The following PDZD2 variants were observed in gnomAD, a reference collection of about 807,000 sequenced individuals.
PDZD2 encodes the protein PDZ domain-containing protein 2.
PDZD2 carries 90 observed loss-of-function variants against 220.7 expected under a neutral mutation model. The ratio of observed to expected loss-of-function variants is 0.41; its 90% confidence interval spans 0.34 to 0.49. The LOEUF is 0.49. PDZD2 is among the 20% of genes least tolerant of loss of function. PDZD2 has a pLI of 0.28. For synonymous variants in PDZD2, 1,375 were observed against 1,450.5 expected (o/e 0.95, Z 1.18); for missense variants, 3,174 against 3,608.5 (o/e 0.88, Z 3.08).
chr5:31,850,211 T>A, intron 2 of PDZD2, among the ~76,000 whole-genome samples: 4 of 97,924 alleles, frequency 4.1e-5, no homozygotes, highest in African/African-American at 1.7e-4. Flanking sequence ...TAAGTATATA[T>A]GTGTATATAT....
rs32800 is a variant in PDZD2, at chr5:32,109,016, C to A, written c.*881C>A. 0.75 allele frequency: 114,002 copies of A among 152,590 alleles called. 43,218 individuals are homozygous for A. Among genetic ancestry groups the A allele is most frequent in the African/African-American group, 0.9 (37,289 of 41,552 alleles). 9.5% of individuals were successfully genotyped at this position (152,590 alleles called of 1,614,324 possible). ...GTGCTTGAATTCAAGACTGGTCAGTCCAAGAGCAGACAAAAATATCACAAG... is the reference window on the plus strand; with the variant it reads ...GTGCTTGAATTCAAGACTGGTCAGTACAAGAGCAGACAAAAATATCACAAG... On this transcript the variant is annotated 3_prime_UTR_variant, in exon 25 of 25. Coordinates refer to ENST00000438447, the MANE Select transcript of PDZD2 (RefSeq NM_178140.4).
chr5:31,971,719 G>T (rs547935508), intron 2 of PDZD2, among the ~76,000 whole-genome samples: 2 of 152,218 alleles, frequency 1.3e-5, no homozygotes, highest in African/African-American at 4.8e-5. Flanking sequence ...AAACAAAGGG[G>T]TCATATTAAA....
Position 32,097,346 on chromosome 5 carries a change from C to G in PDZD2, c.7913C>G (p.Ala2638Gly), listed in dbSNP as rs770332168. ...GGCTCAGGTCTGGGATTCAGTGTGGCAGGAGGGACAGATGTGGAGCCAAAA... is the reference window on the plus strand; with the variant it reads ...GGCTCAGGTCTGGGATTCAGTGTGGGAGGAGGGACAGATGTGGAGCCAAAA... ...KEGSGLGFSV[A>G]GGTDVEPKSI... Residue 2638 changes from alanine (A) to glycine (G), a missense_variant, in exon 22 of 25, where the codon GCA becomes GGA. Around this residue, in one of 4 missense-constraint regions of PDZD2, gnomAD observed 631 missense variants for 789.9 expected, o/e 0.80. Transcript: ENST00000438447. The G allele has an allele frequency of 2.5e-6, 4 of 1,612,226 alleles. No homozygotes were observed. Among genetic ancestry groups the G allele is most frequent in the Admixed American group, 1.7e-5 (1 of 60,002 alleles).
chr5:31,871,961 G>C (rs1442568943), intron 2 of PDZD2, among the ~76,000 whole-genome samples: 2 of 152,130 alleles, frequency 1.3e-5, no homozygotes, highest in African/African-American at 2.4e-5. Flanking sequence ...AAAGTGTTGG[G>C]ATTACAGGTG....
At chr5:31,827,588 G>C (rs577233996) in intron 2 of PDZD2, among the ~76,000 whole-genome samples, 8 of 151,890 alleles carry the variant, frequency 5.3e-5, no homozygotes, top group Non-Finnish European at 1.2e-4. Flanking sequence ...AGCTACTCAG[G>C]AGGCTGAGGC....
At chr5:31,715,443 A>G (rs1482297116) in intron 1 of PDZD2, among the ~76,000 whole-genome samples, 1 of 152,216 alleles carries the variant, frequency 6.6e-6, no homozygotes, top group Non-Finnish European at 1.5e-5. Flanking sequence ...CCCGGAACCA[A>G]ATAAATCAGG....
chr5:31,873,767 G>A (rs930438585), intron 2 of PDZD2, among the ~76,000 whole-genome samples: 3 of 149,840 alleles, frequency 2.0e-5, no homozygotes, highest in Admixed American at 6.7e-5. Context: ...TTCCGCTCTT[G>A]TTGCCCAGGC....
intron 2 of PDZD2, among the ~76,000 whole-genome samples, chr5:31,864,839 CTTTTTTTTT>C (rs70955752): frequency 7.0e-5 from 5 of 70,948 alleles, no homozygotes; most frequent in South Asian, 5.5e-4. Context: ...TGAGATTTGT[CTTTTTTTTT>C]TTTTTTTTTT....
chr5:31,853,129 A>G (rs1758156847), intron 2 of PDZD2, among the ~76,000 whole-genome samples: 1 of 152,248 alleles, frequency 6.6e-6, no homozygotes, highest in Non-Finnish European at 1.5e-5. Flanking sequence ...GAAGAGTGGG[A>G]AAAGGGAAGG....
intron 1 of PDZD2, among the ~76,000 whole-genome samples, chr5:31,737,482 A>G (rs971853979): frequency 3.3e-5 from 5 of 152,050 alleles, no homozygotes; most frequent in Admixed American, 2.0e-4. Context: ...AGAGCAGTCT[A>G]CTTCTTATAG....
chr5:31,993,698 A>G (rs180680901), intron 3 of PDZD2, among the ~76,000 whole-genome samples: 1 of 152,316 alleles, frequency 6.6e-6, no homozygotes, highest in African/African-American at 2.4e-5. Flanking sequence ...TGTTTCATAT[A>G]TCATATGTCA....
intron 4 of PDZD2, among the ~76,000 whole-genome samples, chr5:31,997,041 T>A (rs1466875753): frequency 6.6e-6 from 1 of 152,228 alleles, no homozygotes; most frequent in African/African-American, 2.4e-5. Flanking sequence ...TGCTAGCTAA[T>A]TGCTTCCATG....
intron 2 of PDZD2, chr5:31,840,419 T>C (rs1757208547): frequency 8.3e-6 from 1 of 120,840 alleles, no homozygotes. Flanking sequence ...TATATATATA[T>C]ATATATATAT....
In PDZD2 at chr5:32,106,750, C is replaced by A. The variant is rs1315162460; in HGVS notation, c.8354-1219C>A. 2.6e-5 allele frequency among the ~76,000 whole-genome samples: 4 copies of A among 152,332 alleles called. No individual in the cohort carries two copies. The East Asian group carries it at 5.8e-4, about 22-fold the overall frequency. On this transcript the variant is annotated intron_variant, in intron 24 of 24. Coordinates refer to ENST00000438447, the MANE Select transcript of PDZD2 (RefSeq NM_178140.4). ...CTTCGGTTAATATGCTAGAATAGGA[C>A]ATTGGGTACTAAGTTAACACAAATA...
chr5:31,806,379 G>C (rs1754715075), intron 2 of PDZD2, among the ~76,000 whole-genome samples: 1 of 152,186 alleles, frequency 6.6e-6, no homozygotes, highest in Non-Finnish European at 1.5e-5. Flanking sequence ...ACCCGCTTTA[G>C]AGCCTAAACC....
intron 1 of PDZD2, among the ~76,000 whole-genome samples, chr5:31,794,393 C>CTTT (rs34331530): frequency 1.2e-3 from 130 of 105,100 alleles, no homozygotes; most frequent in Non-Finnish European, 1.6e-3. Flanking sequence ...TTCTTTCTTT[C>CTTT]TTTTTTTTTT....
Position 32,098,382 on chromosome 5 carries a change from CAG to C in PDZD2, c.7967_7968del (p.Gln2656ArgfsTer96), listed in dbSNP as rs1418983234. The C allele has an allele frequency of 6.2e-7, 1 of 1,614,076 alleles. No homozygotes were observed. The highest frequency in any genetic ancestry group is 8.5e-7 in the Non-Finnish European group (1 of 1,179,978). On this transcript the variant is annotated frameshift_variant, in exon 23 of 25. Coordinates refer to ENST00000438447, the MANE Select transcript of PDZD2 (RefSeq NM_178140.4). LOFTEE classifies it high-confidence loss of function. The surrounding 1 kb of genome is among the most constrained non-coding windows in gnomAD (Gnocchi z 4.1). Reference protein sequence around the residue: ...KSITVHRVFSQGAASQEGTMN... With the variant: ...KSITVHRVFSXGAASQEGTMN... ...ATCCCAGGTCCACAGGGTGTTTTCT[CAG>C]GGGGCGGCTTCTCAGGAAGGGACTA...
intron 1 of PDZD2, among the ~76,000 whole-genome samples, chr5:31,647,211 G>A (rs890965860): frequency 6.6e-6 from 1 of 152,108 alleles, no homozygotes; most frequent in Admixed American, 6.5e-5. Context: ...CCAGTACAAT[G>A]CCTAGTACAT....
At chr5:31,695,043 G>A (rs1021643220) in intron 1 of PDZD2, among the ~76,000 whole-genome samples, 3 of 151,920 alleles carry the variant, frequency 2.0e-5, no homozygotes, top group Admixed American at 6.6e-5. Flanking sequence ...AGAATTGCTT[G>A]AACCCAGGAG....
Sources: allele counts gnomAD v4.1 joint callset (sites outside exome capture counted in the v4.1 genomes callset), GRCh38; gene constraint gnomAD v4.1.1; regional missense constraint gnomAD v4.1.1; non-coding constraint Gnocchi (gnomAD v3.1); transcripts MANE v1.5; gene names NCBI Gene and HGNC (gene_info 2026-07-23, HGNC 2026-07-21).